The following CSPG4 variants were observed in gnomAD, a reference collection of about 807,000 sequenced individuals.
The protein encoded by CSPG4 is chondroitin sulfate proteoglycan 4, also known as chondroitin sulfate proteoglycan 4 (melanoma-associated).
CSPG4 carries 74 observed loss-of-function variants against 139.3 expected under a neutral mutation model. The observed-to-expected ratio is 0.53, with a 90% CI of 0.44 to 0.64. The LOEUF (loss-of-function observed/expected upper bound fraction) is 0.64. Among genes scored for constraint, CSPG4 ranks in the 30% least tolerant of loss-of-function variants. CSPG4 has a pLI of 0.00. For missense variants in CSPG4, 2,565 were observed against 3,148.3 expected (o/e 0.81, Z 4.43); for synonymous variants, 1,234 against 1,394.2 (o/e 0.89, Z 2.56).
chr15:75,689,844 TGGCCAAGCCTCAGG>T lies in CSPG4; in HGVS notation c.1207_1220del (p.Pro403SerfsTer6). Reference sequence around the variant, plus strand: ...CGCATGGCTCAGGCAGCTCCATGGCTGGCCAAGCCTCAGGGGCCAGGGTGGAGAAAGCTTCATAA... The same window carrying T: ...CGCATGGCTCAGGCAGCTCCATGGCTGGCCAGGGTGGAGAAAGCTTCATAA... On this transcript the variant is annotated frameshift_variant, in exon 3 of 10. Transcript: ENST00000308508. LOFTEE classifies it high-confidence loss of function. The T allele has an allele frequency of 6.4e-7, 1 of 1,572,522 alleles. No homozygotes were observed. The highest frequency in any genetic ancestry group is 1.7e-4 in the Middle Eastern group (1 of 5,756).
intron 1 of CSPG4, among the ~76,000 whole-genome samples, chr15:75,705,661 T>C (rs1894359928): frequency 1.3e-5 from 2 of 152,284 alleles, no homozygotes; most frequent in Admixed American, 1.3e-4. Flanking sequence ...TTCACCACCA[T>C]GTGCCTGGCC....
At position 75,685,277 on chromosome 15, in the gene CSPG4, GC is replaced by G; in HGVS notation, c.4213del (p.Ala1405ProfsTer25). 4.5e-6 allele frequency: 7 copies of G among 1,565,854 alleles called. No individual in the cohort carries two copies. The highest frequency in any genetic ancestry group is 6.1e-6 in the Non-Finnish European group (7 of 1,154,042). On this transcript the variant is annotated frameshift_variant, in exon 4 of 10. Transcript: ENST00000308508. LOFTEE classifies it high-confidence loss of function. Reference protein sequence around the residue: ...LQVLEPPQHGALQKEDGPQAR... With the variant: ...LQVLEPPQHGXLQKEDGPQAR... ...TTGAGGTCCGTCCTCCTTCTGCAGG[GC>G]TCCATGCTGGGGTGGCTCCAGCACC...
chr15:75,697,880 A>C (rs1894248295), intron 1 of CSPG4, among the ~76,000 whole-genome samples: 1 of 152,222 alleles, frequency 6.6e-6, no homozygotes, highest in South Asian at 2.1e-4. Context: ...ACTCAATCAC[A>C]AATACAGCAA....
chr15:75,682,852 A>G lies in CSPG4; in HGVS notation c.4639T>C (p.Ser1547Pro), dbSNP rs755373115. ...GGCCCTCAGCACCCACCTCTGTGTG[A>G]GAACAGCACGAGCCCGCCGTCCAGC... The part of the protein sequence containing the change: ...AQLDGGLVLF[S>P]HRGTLDGGFR... The change falls in exon 6 of 10, where the codon TCA becomes CCA. Residue 1547 changes from serine (S) to proline (P), a missense_variant. By Grantham distance (74) the Ser-to-Pro change is moderately conservative (BLOSUM62 -1). This residue lies in a region of CSPG4 where 2,316 missense variants were observed against 2,818.2 expected (regional missense o/e 0.82). Transcript: ENST00000308508. 1 of 1,609,504 alleles carries G rather than the reference A, an allele frequency of 6.2e-7. No individual in the cohort carries two copies. Among genetic ancestry groups the G allele is most frequent in the South Asian group, 1.1e-5 (1 of 90,886 alleles).
chr15:75,707,149 G>A (rs1204356250), intron 1 of CSPG4, among the ~76,000 whole-genome samples: 1 of 151,924 alleles, frequency 6.6e-6, no homozygotes, highest in Non-Finnish European at 1.5e-5. Flanking sequence ...TAGAGACAGG[G>A]TTTCACCATG....
chr15:75,702,598 C>G (rs1447748809), intron 1 of CSPG4, among the ~76,000 whole-genome samples: 1 of 152,174 alleles, frequency 6.6e-6, no homozygotes, highest in South Asian at 2.1e-4. Flanking sequence ...CAGCCCTCCC[C>G]ACCTTGTCTT....
rs965447777 is a variant in CSPG4 at position 75,676,232 on chromosome 15, C to T, written c.6287G>A (p.Arg2096His). Residue 2096 changes from arginine to histidine, a missense_variant, in exon 10 of 10, where the codon CGC (arginine) becomes CAC (histidine). Around this residue, in one of 5 missense-constraint regions of CSPG4, gnomAD observed 2,316 missense variants for 2,818.2 expected, o/e 0.82. Transcript: ENST00000308508. ...GGGCTCCGTCCTGGCTCGGGGCACGCGGACCACGCGGCCATGCCGGGGTCC... is the reference window on the plus strand; with the variant it reads ...GGGCTCCGTCCTGGCTCGGGGCACGTGGACCACGCGGCCATGCCGGGGTCC... ...LEGPRHGRVV[R>H]VPRARTEPGG... The T allele has an allele frequency of 7.1e-6, 11 of 1,552,888 alleles. No individual in the cohort carries two copies. Among genetic ancestry groups the T allele is most frequent in the Admixed American group, 1.9e-5 (1 of 51,986 alleles).
At position 75,688,149 on chromosome 15, in the gene CSPG4, G is replaced by A. The variant is rs1894092529; in HGVS notation, c.2916C>T (p.Tyr972=). Residue 972 remains tyrosine, a synonymous_variant, in exon 3 of 10, where the codon TAC becomes TAT. Transcript: ENST00000308508. ...NEDLLRGRLV[Y]QHDDSETTED... ...CTGTGGTCTCGGAGTCATCATGCTG[G>A]TAGACCAGCCGGCCACGCAACAGGT... 6.2e-7 allele frequency: 1 copy of A among 1,612,710 alleles called. No homozygotes were observed. The highest frequency in any genetic ancestry group is 1.7e-5 in the Admixed American group (1 of 60,002).
Position 75,689,839 on chromosome 15 carries a change from A to G in CSPG4, c.1226T>C (p.Met409Thr). 2.5e-6 allele frequency: 4 copies of G among 1,612,656 alleles called. No homozygotes were observed. Among genetic ancestry groups the G allele is most frequent in the Non-Finnish European group, 3.4e-6 (4 of 1,179,708 alleles). Residue 409 changes from methionine to threonine, a missense_variant, in exon 3 of 10, where the codon ATG becomes ACG. Met to Thr is a moderately conservative substitution (Grantham distance 81). Transcript: ENST00000308508. ...STLAPEAWPA[M>T]ELPEPCVPEP... ...AGGCACGCATGGCTCAGGCAGCTCCATGGCTGGCCAAGCCTCAGGGGCCAG... is the reference window on the plus strand; with the variant it reads ...AGGCACGCATGGCTCAGGCAGCTCCGTGGCTGGCCAAGCCTCAGGGGCCAG...
At chr15:75,684,024 G>A (rs906773361) in intron 5 of CSPG4, among the ~76,000 whole-genome samples, 21 of 151,576 alleles carry the variant, frequency 1.4e-4, no homozygotes, top group African/African-American at 5.1e-4. Context: ...GACCACCAAG[G>A]CCCCGCCCCC....
chr15:75,702,880 A>G (rs11854097), intron 1 of CSPG4, among the ~76,000 whole-genome samples: 27,447 of 149,830 alleles, frequency 0.18, 2,993 homozygotes, highest in Non-Finnish European at 0.25. Flanking sequence ...AGGTGGGGCC[A>G]TTCCCAGGCC....
chr15:75,709,661 C>A (rs1894419983), intron 1 of CSPG4, among the ~76,000 whole-genome samples: 1 of 152,176 alleles, frequency 6.6e-6, no homozygotes, highest in Non-Finnish European at 1.5e-5. Context: ...TTTCCAACTC[C>A]CCCTCCCCTG....
chr15:75,682,780 G>T, intron 6 of CSPG4, 39 bp from the exon 7 acceptor site: 1 of 1,608,030 alleles, frequency 6.2e-7, no homozygotes, highest in South Asian at 1.1e-5. Flanking sequence ...GCCCGAGCCG[G>T]CTCCCCATCT....
chr15:75,689,053 A>G lies in CSPG4; in HGVS notation c.2012T>C (p.Leu671Ser), dbSNP rs1338301997. Residue 671 changes from leucine (L) to serine (S), a missense_variant, in exon 3 of 10, where the codon TTG becomes TCG. Transcript: ENST00000308508. Reference sequence around the variant, plus strand: ...CATGGCAGAGCCTTGGGCCAGTCGCAACCCTGTGCTGCGGTGGATCTGTAT... The same window carrying G: ...CATGGCAGAGCCTTGGGCCAGTCGCGACCCTGTGCTGCGGTGGATCTGTAT... ...PAIQIHRSTGLRLAQGSAMPI... is the reference protein window; with the variant it reads ...PAIQIHRSTGSRLAQGSAMPI... 1.2e-6 allele frequency: 2 copies of G among 1,611,082 alleles called. No individual in the cohort carries two copies. The highest frequency in any genetic ancestry group is 1.7e-6 in the Non-Finnish European group (2 of 1,179,772).
rs1259522207 is a variant in CSPG4 at position 75,674,554 on chromosome 15, G to A, written c.*996C>T. On this transcript the variant is annotated 3_prime_UTR_variant, in exon 10 of 10. Transcript: ENST00000308508. ...CCAGGCCGGAGGGCCGACCCCAGGGGCCCTCTGTATGCAAGCCGACGCAGA... is the reference window on the plus strand; with the variant it reads ...CCAGGCCGGAGGGCCGACCCCAGGGACCCTCTGTATGCAAGCCGACGCAGA... 2.5e-5 allele frequency: 10 copies of A among 393,472 alleles called. No individual in the cohort carries two copies. The highest frequency in any genetic ancestry group is 4.0e-5 in the Non-Finnish European group (9 of 223,134). The allele number at this position is 393,472 out of a possible 1,614,324, so 24.4% of individuals were successfully genotyped here. A position where few individuals can be genotyped will look rare whatever the true frequency, so the allele number is the denominator to read the frequency against.
intron 1 of CSPG4, among the ~76,000 whole-genome samples, chr15:75,694,587 T>C (rs115968945): frequency 0.01 from 1,544 of 152,316 alleles, 34 homozygotes; most frequent in African/African-American, 0.035. Context: ...GCTTCAGCCG[T>C]TGGAGGAGTC....
chr15:75,706,118 G>C (rs369153717), intron 1 of CSPG4, among the ~76,000 whole-genome samples: 1 of 152,312 alleles, frequency 6.6e-6, no homozygotes, highest in East Asian at 1.9e-4. Context: ...AGCGGGTGTC[G>C]TGGGAATCAG....
At chr15:75,684,118 G>A (rs1030104124) in intron 5 of CSPG4, among the ~76,000 whole-genome samples, 2 of 152,050 alleles carry the variant, frequency 1.3e-5, no homozygotes, top group African/African-American at 4.8e-5. Context: ...GACCGGGGAG[G>A]ATGCACCCCA....
chr15:75,675,691 G>T lies in CSPG4; in HGVS notation c.6828C>A (p.Arg2276=). The change falls in exon 10 of 10, where the codon CGC becomes CGA. Residue 2276 remains arginine, a synonymous_variant. Coordinates refer to ENST00000308508, the MANE Select transcript of CSPG4 (RefSeq NM_001897.5). ...GGATGGCCTGGCCTGGCTCCACCTT[G>T]CGAAAGGTCTCGGTGTCACCAGCCA... ...NGLAGDTETF[R]KVEPGQAIPL... is the part of the protein sequence containing the mutation. 1 of 1,559,862 alleles carries T rather than the reference G, an allele frequency of 6.4e-7. No homozygotes were observed.
Sources: gnomAD v4.1 joint callset for allele counts (sites outside exome capture counted in the v4.1 genomes callset) on GRCh38, gnomAD v4.1.1 for gene constraint, gnomAD v4.1.1 regional missense constraint, MANE v1.5 for transcripts, NCBI Gene and HGNC (gene_info 2026-07-23, HGNC 2026-07-21) for gene names.